Variants in ZBTB20 observed in about 807,000 individuals in gnomAD.
ZBTB20 encodes the protein zinc finger and BTB domain-containing protein 20.
In ZBTB20, 9 loss-of-function variants were observed where a neutral mutation model predicts 56.9. The observed-to-expected ratio is 0.16, with a 90% CI of 0.10 to 0.28. The LOEUF is 0.28. ZBTB20 is among the 10% of genes least tolerant of loss of function. The pLI, the probability that ZBTB20 is intolerant of heterozygous loss-of-function variation, is 1.00. For synonymous variants in ZBTB20, 417 were observed against 420.7 expected (o/e 0.99, Z 0.11); for missense variants, 655 against 1,003.0 (o/e 0.65, Z 4.69).
intron 7 of ZBTB20, among the ~76,000 whole-genome samples, chr3:114,435,527 C>T (rs372877246): frequency 1.3e-5 from 2 of 152,322 alleles, no homozygotes; most frequent in Admixed American, 6.5e-5. Flanking sequence ...GTGCTCCTCA[C>T]CATGCCTTGC....
chr3:115,086,320 A>C (rs549171048), intron 1 of ZBTB20, among the ~76,000 whole-genome samples: 46 of 151,986 alleles, frequency 3.0e-4, no homozygotes, highest in Non-Finnish European at 5.3e-4. Context: ...ATGCTTGTGA[A>C]AATGGTATTT....
At chr3:115,121,991 T>C (rs1221725133) in intron 1 of ZBTB20, among the ~76,000 whole-genome samples, 1 of 152,070 alleles carries the variant, frequency 6.6e-6, no homozygotes, top group African/African-American at 2.4e-5. Context: ...TTTTAAGTAA[T>C]ATTAATAAAA....
chr3:114,319,276 T>G lies in ZBTB20; in HGVS notation c.*19729A>C, dbSNP rs894240146. 5 of 152,148 alleles carry G rather than the reference T, an allele frequency of 3.3e-5. No homozygotes were observed. Among genetic ancestry groups the G allele is most frequent in the African/African-American group, 4.8e-5 (2 of 41,432 alleles). 9.4% of individuals were successfully genotyped at this position (152,148 alleles called of 1,614,324 possible). ...TATCCTTCCTTTCCAAAAAAGATTC[T>G]TCACAAAAAAATGTAGAAAAAATTC... On this transcript the variant is annotated 3_prime_UTR_variant, in exon 12 of 12. Transcript: ENST00000675478.
chr3:114,343,742 G>A (rs1049884269), intron 11 of ZBTB20, among the ~76,000 whole-genome samples: 21 of 152,208 alleles, frequency 1.4e-4, no homozygotes, highest in Admixed American at 5.9e-4. Context: ...GTCAAGAGAC[G>A]TCTGTTTAAA....
chr3:114,800,877 A>C (rs2071654395), intron 5 of ZBTB20, among the ~76,000 whole-genome samples: 1 of 151,892 alleles, frequency 6.6e-6, no homozygotes, highest in Non-Finnish European at 1.5e-5. Context: ...ATGAAATTCA[A>C]ACCAGCCAAA....
At chr3:114,401,456 AT>A (rs952530492) in intron 7 of ZBTB20, among the ~76,000 whole-genome samples, 1 of 151,860 alleles carries the variant, frequency 6.6e-6, no homozygotes, top group Admixed American at 6.6e-5. Flanking sequence ...CTTTCAAAGG[AT>A]TTTTTTTGTC....
At chr3:115,125,791 T>G (rs377144940) in intron 1 of ZBTB20, among the ~76,000 whole-genome samples, 2 of 152,200 alleles carry the variant, frequency 1.3e-5, no homozygotes, top group East Asian at 3.8e-4. Flanking sequence ...GTAAATGTAT[T>G]CTAAAATAAT....
chr3:115,107,058 T>TA (rs142843657), intron 1 of ZBTB20, among the ~76,000 whole-genome samples: 1 of 152,368 alleles, frequency 6.6e-6, no homozygotes, highest in East Asian at 1.9e-4. Context: ...ATCCTTATCT[T>TA]AAGATCTTGT....
At chr3:114,760,408 G>A (rs1465626740) in intron 5 of ZBTB20, among the ~76,000 whole-genome samples, 1 of 152,032 alleles carries the variant, frequency 6.6e-6, no homozygotes, top group Non-Finnish European at 1.5e-5. Context: ...ATGTAGGATG[G>A]GCCTCCTAGA....
intron 11 of ZBTB20, among the ~76,000 whole-genome samples, chr3:114,344,048 C>A (rs1428776107): frequency 1.4e-5 from 2 of 148,068 alleles, no homozygotes; most frequent in East Asian, 2.0e-4. Context: ...GACTCCATCT[C>A]AAAAAAAAAA....
intron 5 of ZBTB20, among the ~76,000 whole-genome samples, chr3:114,695,170 T>G (rs1203210205): frequency 6.6e-6 from 1 of 152,052 alleles, no homozygotes; most frequent in Non-Finnish European, 1.5e-5. Context: ...CCAACAGCAA[T>G]AAGAAGAGAA....
At position 114,350,537 on chromosome 3, in the gene ZBTB20, G is replaced by A. The variant is rs1219903799; in HGVS notation, c.1541C>T (p.Thr514Ile). The A allele has an allele frequency of 6.2e-7, 1 of 1,614,148 alleles. No individual in the cohort carries two copies. The highest frequency in any genetic ancestry group is 2.2e-5 in the East Asian group (1 of 44,870). ...GNTYLPALFT[T>I]QPAGSGPKPF... ...CTTGGGGCCACTGCCCGCGGGCTGG[G>A]TAGTGAAGAGGGCTGGCAGGTAGGT... The change falls in exon 11 of 12, where the codon ACC (threonine) becomes ATC (isoleucine). Residue 514 changes from threonine (T) to isoleucine (I), a missense_variant. Physicochemically the swap from Thr to Ile is moderately conservative, Grantham distance 89 (BLOSUM62 -1). This residue lies in a region of ZBTB20 where 71 missense variants were observed against 89.4 expected (regional missense o/e 0.79). Coordinates refer to ENST00000675478, the MANE Select transcript of ZBTB20 (RefSeq NM_001348800.3).
intron 5 of ZBTB20, among the ~76,000 whole-genome samples, chr3:114,723,364 AATATTTGGATG>A (rs2065046150): frequency 1.3e-5 from 2 of 152,184 alleles, no homozygotes; most frequent in African/African-American, 4.8e-5. Flanking sequence ...ACTCAATATG[AATATTTGGATG>A]GCCCAAGCGA....
At chr3:114,920,896 A>G (rs899812431) in intron 3 of ZBTB20, among the ~76,000 whole-genome samples, 1 of 152,176 alleles carries the variant, frequency 6.6e-6, no homozygotes, top group Non-Finnish European at 1.5e-5. Flanking sequence ...TTTGTAATGG[A>G]AAATGGACAA....
chr3:115,128,401 C>T (rs2084396266), intron 1 of ZBTB20, among the ~76,000 whole-genome samples: 1 of 152,038 alleles, frequency 6.6e-6, no homozygotes. Flanking sequence ...TAGTGACTCA[C>T]ACCTGTAATC....
At chr3:114,940,401 T>G (rs900217291) in intron 3 of ZBTB20, among the ~76,000 whole-genome samples, 4 of 145,862 alleles carry the variant, frequency 2.7e-5, no homozygotes, top group African/African-American at 5.6e-5. Context: ...GATTTTTTTT[T>G]TTTTGGAAAG....
chr3:115,116,260 GC>G (rs1488934221), intron 1 of ZBTB20, among the ~76,000 whole-genome samples: 2 of 151,920 alleles, frequency 1.3e-5, no homozygotes, highest in Non-Finnish European at 2.9e-5. Flanking sequence ...CTCTGATATT[GC>G]CCAGCTCTAT....
At chr3:114,869,007 TC>T (rs1398963015) in intron 4 of ZBTB20, among the ~76,000 whole-genome samples, 1 of 152,132 alleles carries the variant, frequency 6.6e-6, no homozygotes, top group East Asian at 1.9e-4. Context: ...TTATGAATCT[TC>T]CTTCAATGTG....
At chr3:114,470,979 T>C (rs1260315531) in intron 7 of ZBTB20, among the ~76,000 whole-genome samples, 1 of 152,210 alleles carries the variant, frequency 6.6e-6, no homozygotes, top group East Asian at 1.9e-4. Context: ...TTGTCTTTTA[T>C]TATCCCCATA....
Sources: gnomAD v4.1 joint callset for allele counts (sites outside exome capture counted in the v4.1 genomes callset) on GRCh38, gnomAD v4.1.1 for gene constraint, gnomAD v4.1.1 regional missense constraint, MANE v1.5 for transcripts, NCBI Gene and HGNC (gene_info 2026-07-23, HGNC 2026-07-21) for gene names.